The following FNIP1 variants were observed in gnomAD, a reference collection of about 807,000 sequenced individuals.
FNIP1 encodes folliculin interacting protein 1.
A neutral mutation model predicts 124.5 loss-of-function variants in FNIP1; 40 were observed. That is an observed-to-expected ratio of 0.32 (90% CI 0.25 to 0.42). The LOEUF is 0.42. Among genes scored for constraint, FNIP1 ranks in the 10% least tolerant of loss-of-function variants. FNIP1 has a pLI of 1.00. For synonymous variants in FNIP1, 472 were observed against 470.6 expected (o/e 1.00, Z -0.04); for missense variants, 1,176 against 1,403.7 (o/e 0.84, Z 2.59).
intron 1 of FNIP1, among the ~76,000 whole-genome samples, chr5:131,782,779 G>T (rs1772038669): frequency 6.6e-6 from 1 of 152,330 alleles, no homozygotes; most frequent in Admixed American, 6.5e-5. Context: ...ACACTTCAAT[G>T]AAGGAAGTAA....
At chr5:131,759,562 A>G (rs1003251082) in intron 1 of FNIP1, among the ~76,000 whole-genome samples, 5 of 152,108 alleles carry the variant, frequency 3.3e-5, no homozygotes, top group African/African-American at 1.2e-4. Flanking sequence ...TCTCACACCA[A>G]TCAGGCTGGC....
chr5:131,693,340 A>T, intron 11 of FNIP1, among the ~76,000 whole-genome samples: 1 of 128,808 alleles, frequency 7.8e-6, no homozygotes, highest in Middle Eastern at 3.7e-3. Flanking sequence ...ATACATATAT[A>T]TATATATATA....
In FNIP1 at chr5:131,777,137, C is replaced by CAT. The variant is rs146931974; in HGVS notation, c.92+19691_92+19692dup. 9.9e-4 allele frequency among the ~76,000 whole-genome samples: 149 copies of CAT among 150,204 alleles called. 1 individual carries two copies. The highest frequency in any genetic ancestry group is 1.2e-3 in the Admixed American group (18 of 15,030). On this transcript the variant is annotated intron_variant, in intron 1 of 17. Coordinates refer to ENST00000510461, the MANE Select transcript of FNIP1 (RefSeq NM_133372.3). ...CTATTATTATTCTGAAGCTACTATA[C>CAT]ATATATATATATATGTTATAAAATA...
chr5:131,769,670 C>T (rs916938811), intron 1 of FNIP1, among the ~76,000 whole-genome samples: 4 of 152,196 alleles, frequency 2.6e-5, no homozygotes, highest in African/African-American at 7.2e-5. Context: ...CATGAGGGAC[C>T]GGGAGCCTTT....
At chr5:131,779,765 A>C (rs1162036217) in intron 1 of FNIP1, among the ~76,000 whole-genome samples, 1 of 151,914 alleles carries the variant, frequency 6.6e-6, no homozygotes, top group Non-Finnish European at 1.5e-5. Context: ...CCAACCAAAA[A>C]AAAACAGTAA....
At chr5:131,783,672 G>T (rs1238518303) in intron 1 of FNIP1, among the ~76,000 whole-genome samples, 1 of 151,978 alleles carries the variant, frequency 6.6e-6, no homozygotes, top group Non-Finnish European at 1.5e-5. Flanking sequence ...TCAGAATGAA[G>T]GTAAAGAGAA....
chr5:131,729,872 A>G (rs1199103119), intron 3 of FNIP1, among the ~76,000 whole-genome samples: 1 of 152,064 alleles, frequency 6.6e-6, no homozygotes, highest in Non-Finnish European at 1.5e-5. Context: ...CAGCCTCCTG[A>G]GTAGCTGGGA....
At chr5:131,721,774 G>C (rs1218698899) in intron 3 of FNIP1, among the ~76,000 whole-genome samples, 2 of 152,130 alleles carry the variant, frequency 1.3e-5, no homozygotes, top group African/African-American at 4.8e-5. Context: ...CTCCAGCCTG[G>C]GCGACAGAGC....
intron 1 of FNIP1, among the ~76,000 whole-genome samples, chr5:131,760,005 CAT>C (rs772812534): frequency 1.3e-5 from 2 of 152,190 alleles, no homozygotes; most frequent in Non-Finnish European, 2.9e-5. Context: ...CCAAATACCA[CAT>C]GTTTTCATTT....
chr5:131,744,477 C>T (rs542092381), intron 2 of FNIP1, 87 bp downstream of exon 2: 2 of 1,320,170 alleles, frequency 1.5e-6, no homozygotes, highest in South Asian at 3.2e-5. Flanking sequence ...TTTCCTTCTC[C>T]CTCAGCCCCA....
intron 1 of FNIP1, among the ~76,000 whole-genome samples, chr5:131,780,608 T>G (rs1771966091): frequency 6.6e-6 from 1 of 152,218 alleles, no homozygotes; most frequent in African/African-American, 2.4e-5. Context: ...TCAAACTTTT[T>G]CATTATTATT....
intron 10 of FNIP1, among the ~76,000 whole-genome samples, chr5:131,703,558 C>CTT (rs577970028): frequency 7.1e-4 from 108 of 152,342 alleles, no homozygotes; most frequent in Non-Finnish European, 1.1e-3. Context: ...GCAATAAGGC[C>CTT]TTTGCCCCTG....
intron 1 of FNIP1, among the ~76,000 whole-genome samples, chr5:131,779,249 CA>C (rs1055035686): frequency 1.5e-4 from 23 of 151,602 alleles, no homozygotes; most frequent in Admixed American, 8.5e-4. Context: ...TTCAAACATC[CA>C]ACTCTAAAAA....
intron 1 of FNIP1, among the ~76,000 whole-genome samples, chr5:131,775,841 T>C (rs970226694): frequency 6.6e-6 from 1 of 152,154 alleles, no homozygotes; most frequent in South Asian, 2.1e-4. Flanking sequence ...TAGAGTTGTT[T>C]TGAGGATTAA....
At chr5:131,718,182 C>T (rs1037599207) in intron 5 of FNIP1, among the ~76,000 whole-genome samples, 1 of 150,082 alleles carries the variant, frequency 6.7e-6, no homozygotes, top group Non-Finnish European at 1.5e-5. Flanking sequence ...CAGTGAGGCT[C>T]CATCTCGAAA....
chr5:131,652,147 T>G, intron 15 of FNIP1, 148 bp from the exon 16 acceptor site: 1 of 672,840 alleles, frequency 1.5e-6, no homozygotes, highest in Non-Finnish European at 2.5e-6. Flanking sequence ...GAAGAATAAT[T>G]AACTCATTAA....
chr5:131,756,425 T>A (rs1771053673), intron 1 of FNIP1, among the ~76,000 whole-genome samples: 1 of 151,944 alleles, frequency 6.6e-6, no homozygotes, highest in African/African-American at 2.4e-5. Flanking sequence ...AGGAAAAACG[T>A]GTATGTGTAT....
At chr5:131,753,402 G>A (rs1490060819) in intron 1 of FNIP1, among the ~76,000 whole-genome samples, 1 of 152,110 alleles carries the variant, frequency 6.6e-6, no homozygotes, top group Admixed American at 6.5e-5. Flanking sequence ...TTCCTACATT[G>A]AAATACTACT....
intron 1 of FNIP1, among the ~76,000 whole-genome samples, chr5:131,748,696 C>CAAA (rs56395331): frequency 6.0e-5 from 6 of 99,858 alleles, no homozygotes; most frequent in Non-Finnish European, 9.6e-5. Context: ...GACTCTGTCT[C>CAAA]AAAAAAAAAA....
Sources: gnomAD v4.1 joint callset for allele counts (sites outside exome capture counted in the v4.1 genomes callset) on GRCh38, gnomAD v4.1.1 for gene constraint, MANE v1.5 for transcripts, NCBI Gene and HGNC (gene_info 2026-07-23, HGNC 2026-07-21) for gene names.